The following ITGB4 variants were observed in gnomAD, a reference collection of about 807,000 sequenced individuals.
The protein encoded by ITGB4 is integrin beta-4.
A neutral mutation model predicts 207.6 loss-of-function variants in ITGB4; 159 were observed. The ratio of observed to expected loss-of-function variants is 0.77; its 90% CI spans 0.67 to 0.87. ITGB4 has a LOEUF of 0.87. Ranked by LOEUF, ITGB4 falls within the 40% of genes least tolerant of loss-of-function variation. The pLI is 0.00. For missense variants in ITGB4, 2,278 were observed against 2,546.8 expected (o/e 0.89, Z 2.27); for synonymous variants, 1,020 against 1,062.7 (o/e 0.96, Z 0.78).
At position 75,736,608 on chromosome 17, in the gene ITGB4, G is replaced by A. The variant is rs777208099; in HGVS notation, c.1904G>A (p.Cys635Tyr). 1 of 1,603,494 alleles carries A rather than the reference G, an allele frequency of 6.2e-7. No homozygotes were observed. Residue 635 changes from cysteine (C) to tyrosine (Y), a missense_variant, in exon 16 of 40, where the codon TGC becomes TAC. Cys to Tyr is a radical substitution (Grantham distance 194). Transcript: ENST00000200181. ...LCEDLRSCVQ[C>Y]QAWGTGEKKG... ...GAGGACCTACGCTCCTGCGTGCAGT[G>A]CCAGGCGTGGGGCACCGGCGAGAAG...
rs78629887 is a variant in ITGB4, at chr17:75,749,642, C to T, written c.3317-469C>T. Among the ~76,000 whole-genome samples, 137 of 152,326 alleles carry T rather than the reference C, an allele frequency of 9.0e-4. 1 individual carries two copies. The East Asian group carries it at 0.019, about 21-fold the overall frequency. Reference sequence around the variant, plus strand: ...GTTGTCACCACACAATAGGAATTCTCCCATCAGACCCTGGCCCTTTGGCTT... The same window carrying T: ...GTTGTCACCACACAATAGGAATTCTTCCATCAGACCCTGGCCCTTTGGCTT... On this transcript the variant is annotated intron_variant, in intron 27 of 39. Transcript: ENST00000200181.
At chr17:75,755,972 C>G (rs2061490554) in intron 35 of ITGB4, 122 bp downstream of exon 35, 1 of 1,239,540 alleles carries the variant, frequency 8.1e-7, no homozygotes, top group Non-Finnish European at 1.1e-6. Flanking sequence ...CTAAAGCCCC[C>G]ATCCAGCCTG....
In ITGB4 at chr17:75,729,388, T is replaced by A. The variant is rs2060802259; in HGVS notation, c.690T>A (p.Asp230Glu). ...LQGERISGNL[D>E]APEGGFDAIL... ...GAGAGCGGATCTCAGGCAACCTGGA[T>A]GCTCCTGAGGGCGGCTTCGATGCCA... is the stretch of plus-strand genomic sequence containing the variant. The change falls in exon 7 of 40, where the codon GAT becomes GAA. Residue 230 changes from aspartate (D) to glutamate (E), a missense_variant. Physicochemically the swap from Asp to Glu is conservative, Grantham distance 45. Coordinates refer to ENST00000200181, the MANE Select transcript of ITGB4 (RefSeq NM_000213.5). The surrounding 1 kb of genome is among the most constrained non-coding windows in gnomAD (Gnocchi z 4.4). 14 of 1,614,184 alleles carry A rather than the reference T, an allele frequency of 8.7e-6. No individual in the cohort carries two copies. In the East Asian group the frequency reaches 3.1e-4, roughly 36 times the overall value.
At position 75,740,310 on chromosome 17, in the gene ITGB4, A is replaced by AG; in HGVS notation, c.2447-43dup. On this transcript the variant is annotated intron_variant, in intron 20 of 39. Coordinates refer to ENST00000200181, the MANE Select transcript of ITGB4 (RefSeq NM_000213.5). The surrounding 1 kb of genome is among the most constrained non-coding windows in gnomAD (Gnocchi z 5.9). Reference sequence around the variant, plus strand: ...GGATGCTCTGTGGTGCCTGTCATGCAGGGGGCTGACCACCTCCATCTCACC... The same window carrying AG: ...GGATGCTCTGTGGTGCCTGTCATGCAGGGGGGCTGACCACCTCCATCTCACC... 6.6e-7 allele frequency: 1 copy of AG among 1,510,808 alleles called. No individual in the cohort carries two copies. The allele number at this position is 1,510,808 out of a possible 1,614,324, so 93.6% of individuals were successfully genotyped here.
chr17:75,746,929 CA>C (rs56351330), intron 26 of ITGB4, among the ~76,000 whole-genome samples: 13,890 of 71,078 alleles, frequency 0.2, 449 homozygotes, highest in East Asian at 0.33. Context: ...ACCCCTGTCT[CA>C]AAAAAAAAAA....
Position 75,730,977 on chromosome 17 carries a change from C to A in ITGB4, c.1092+13C>A. The A allele has an allele frequency of 6.2e-7, 1 of 1,610,170 alleles. No homozygotes were observed. Among genetic ancestry groups the A allele is most frequent in the Non-Finnish European group, 8.5e-7 (1 of 1,176,870 alleles). On this transcript the variant is annotated intron_variant, in intron 9 of 39. Coordinates refer to ENST00000200181, the MANE Select transcript of ITGB4 (RefSeq NM_000213.5). ...GGAGGCCTTCAATGTGAGGGCAGCT[C>A]AGGCTCCAGAGTCTGAGCCCTTCTG...
rs1237349814 is a variant in ITGB4, at chr17:75,756,720, G to A, written c.4914G>A (p.Leu1638=). 14 of 1,613,256 alleles carry A rather than the reference G, an allele frequency of 8.7e-6. No homozygotes were observed. The highest frequency in any genetic ancestry group is 1.2e-5 in the Non-Finnish European group (14 of 1,179,988). The change falls in exon 37 of 40, where the codon TTG becomes TTA. Residue 1638 remains leucine (L), a synonymous_variant. Coordinates refer to ENST00000200181, the MANE Select transcript of ITGB4 (RefSeq NM_000213.5). Reference sequence around the variant, plus strand: ...TGCCCCCAGGCTCCGCCTTCACTTTGAGCACTCCCAGTGCCCCAGGCCCGC... The same window carrying A: ...TGCCCCCAGGCTCCGCCTTCACTTTAAGCACTCCCAGTGCCCCAGGCCCGC... ...LCPLPGSAFT[L]STPSAPGPLV...
chr17:75,741,112 G>C, intron 23 of ITGB4, 107 bp downstream of exon 23: 1 of 1,309,208 alleles, frequency 7.6e-7, no homozygotes, highest in Non-Finnish European at 1.1e-6. Flanking sequence ...CATAGGAAGG[G>C]AGGGTCAGAT....
chr17:75,735,975 C>T, intron 13 of ITGB4, 76 bp from the exon 14 acceptor site: 1 of 1,398,106 alleles, frequency 7.2e-7, no homozygotes, highest in South Asian at 1.2e-5. Context: ...TCCCACAGGC[C>T]CTCCCTGCCA....
In ITGB4 at chr17:75,756,432, A is replaced by G. The variant is rs2061504589; in HGVS notation, c.4712A>G (p.Glu1571Gly). 2 of 1,612,932 alleles carry G rather than the reference A, an allele frequency of 1.2e-6. No homozygotes were observed. The highest frequency in any genetic ancestry group is 1.3e-5 in the African/African-American group (1 of 74,828). The stretch of plus-strand genomic sequence containing the variant: ...TGCCCCCACCTGATCCCCCCAGGTG[A>G]GCTGCATCGGCTCAACATCCCCAAC... ...SVEYQLLNGG[E>G]LHRLNIPNPA... The change falls in exon 36 of 40, where the codon GAG (glutamate) becomes GGG (glycine). Residue 1571 changes from glutamate (E) to glycine (G), a missense_variant. By Grantham distance (98) the Glu-to-Gly change is moderately conservative (BLOSUM62 -2). Coordinates refer to ENST00000200181, the MANE Select transcript of ITGB4 (RefSeq NM_000213.5).
In ITGB4 at chr17:75,750,143, T is replaced by A. The variant is rs529356544; in HGVS notation, c.3349T>A (p.Leu1117Met). The part of the protein sequence containing the change: ...ELDRSFTSQM[L>M]SSQPPPHGDL... ...GGACCGGAGCTTCACGAGTCAGATG[T>A]TGTCATCACAGCCACCCCCTCACGG... Residue 1117 changes from leucine (L) to methionine (M), a missense_variant, in exon 28 of 40, where the codon TTG becomes ATG. Coordinates refer to ENST00000200181, the MANE Select transcript of ITGB4 (RefSeq NM_000213.5). This position sits in a 1 kb window ranked among gnomAD's most constrained non-coding sequence, Gnocchi z 5.5. 2.5e-6 allele frequency: 4 copies of A among 1,613,690 alleles called. No individual in the cohort carries two copies. The Admixed American group carries it at 5.0e-5, about 20-fold the overall frequency.
chr17:75,730,793 C>A, intron 8 of ITGB4, 82 bp from the exon 9 acceptor site: 1 of 1,324,140 alleles, frequency 7.6e-7, no homozygotes, highest in Non-Finnish European at 1.1e-6. Flanking sequence ...CTCAGTTTCC[C>A]CATCCTCAAA....
In ITGB4 at chr17:75,742,027, C is replaced by A. The variant is rs1568365775; in HGVS notation, c.2634-314C>A. Among the ~76,000 whole-genome samples, 1 of 152,218 alleles carries A rather than the reference C, an allele frequency of 6.6e-6. No individual in the cohort carries two copies. Among genetic ancestry groups the A allele is most frequent in the Non-Finnish European group, 1.5e-5 (1 of 68,044 alleles). On this transcript the variant is annotated intron_variant, in intron 23 of 39. Transcript: ENST00000200181. The surrounding 1 kb of genome is among the most constrained non-coding windows in gnomAD (Gnocchi z 5.9). ...CAGCTATCGAGAACTAGAACCAGGG[C>A]TAGGGCCGCGGCAGCCTGGCCTGAG...
At chr17:75,749,355 T>C (rs1168889102) in intron 27 of ITGB4, among the ~76,000 whole-genome samples, 4 of 152,078 alleles carry the variant, frequency 2.6e-5, no homozygotes, top group Non-Finnish European at 5.9e-5. Flanking sequence ...TAGTGAGACC[T>C]CGTCTCTACA....
intron 1 of ITGB4, among the ~76,000 whole-genome samples, chr17:75,723,272 A>G (rs144044241): frequency 6.6e-6 from 1 of 152,212 alleles, no homozygotes; most frequent in East Asian, 1.9e-4. Context: ...GTGCTGAGCA[A>G]TCTCCTCCGT....
In ITGB4 at chr17:75,757,197, C is replaced by T. The variant is rs200010813; in HGVS notation, c.5219-3C>T. The T allele has an allele frequency of 3.1e-4, 494 of 1,612,368 alleles. No individual in the cohort carries two copies. Among genetic ancestry groups the T allele is most frequent in the Non-Finnish European group, 2.4e-4 (285 of 1,179,902 alleles). ...CTCTGACTGGCCTATCTGCCCACCC[C>T]AGGACCCTTCCCGCAGCTGGGCAGC... On this transcript the variant is annotated splice_polypyrimidine_tract_variant and splice_region_variant and intron_variant, in intron 38 of 39. Transcript: ENST00000200181.
rs1378346392 is a variant in ITGB4, at chr17:75,750,963, C to T, written c.3656-11C>T. 1 of 1,613,660 alleles carries T rather than the reference C, an allele frequency of 6.2e-7. No homozygotes were observed. Among genetic ancestry groups the T allele is most frequent in the Non-Finnish European group, 8.5e-7 (1 of 1,180,026 alleles). On this transcript the variant is annotated splice_polypyrimidine_tract_variant and intron_variant, in intron 29 of 39. Coordinates refer to ENST00000200181, the MANE Select transcript of ITGB4 (RefSeq NM_000213.5). The surrounding 1 kb of genome is among the most constrained non-coding windows in gnomAD (Gnocchi z 5.5). ...ACTGACAGCACTCTTCCTGTATTCC[C>T]CGCTCCCTAGTGCCCAGCGAGCCAG... is the stretch of plus-strand genomic sequence containing the variant.
At position 75,739,204 on chromosome 17, in the gene ITGB4, AGAATTGCTT is replaced by A; in HGVS notation, c.2221-464_2221-456del. On this transcript the variant is annotated intron_variant, in intron 18 of 39. Coordinates refer to ENST00000200181, the MANE Select transcript of ITGB4 (RefSeq NM_000213.5). The surrounding 1 kb of genome is among the most constrained non-coding windows in gnomAD (Gnocchi z 5.4). ...CAGTTACTAGGGGGGCTGAGGCAGG[AGAATTGCTT>A]GAACCTGGGAGGTAGAGGTTGCAGT... 6.6e-6 allele frequency among the ~76,000 whole-genome samples: 1 copy of A among 150,412 alleles called. No individual in the cohort carries two copies. Among genetic ancestry groups the A allele is most frequent in the Non-Finnish European group, 1.5e-5 (1 of 67,596 alleles).
Position 75,740,962 on chromosome 17 carries a change from C to G in ITGB4, c.2610-20C>G. On this transcript the variant is annotated intron_variant, in intron 22 of 39. Coordinates refer to ENST00000200181, the MANE Select transcript of ITGB4 (RefSeq NM_000213.5). This position sits in a 1 kb window ranked among gnomAD's most constrained non-coding sequence, Gnocchi z 5.9. ...CACTTCAGGGCTATCTAGCTCACAG[C>G]GCCCTCTTTGTCCCCACAGGCAGCA... The G allele has an allele frequency of 6.2e-7, 1 of 1,614,008 alleles. No homozygotes were observed. Among genetic ancestry groups the G allele is most frequent in the South Asian group, 1.1e-5 (1 of 91,072 alleles).
Sources: allele counts gnomAD v4.1 joint callset (sites outside exome capture counted in the v4.1 genomes callset), GRCh38; gene constraint gnomAD v4.1.1; non-coding constraint Gnocchi (gnomAD v3.1); transcripts MANE v1.5; gene names NCBI Gene and HGNC (gene_info 2026-07-23, HGNC 2026-07-21).